PTCH1: variants seen among roughly 807,000 people sequenced by gnomAD.
PTCH1 encodes patched 1.
PTCH1 carries 14 observed loss-of-function variants against 144.6 expected under a neutral mutation model. That is an observed-to-expected ratio of 0.10 (90% CI 0.06 to 0.15). The LOEUF (loss-of-function observed/expected upper bound fraction) is 0.15. Ranked by LOEUF, PTCH1 falls within the 10% of genes least tolerant of loss-of-function variation. The pLI, the probability that PTCH1 is intolerant of heterozygous loss-of-function variation, is 1.00. For missense variants in PTCH1, 1,623 were observed against 1,948.3 expected (o/e 0.83, Z 3.14); for synonymous variants, 833 against 793.6 (o/e 1.05, Z -0.83).
rs775882469 is a variant in PTCH1 at position 95,449,259 on chromosome 9, A to G, written c.3614T>C (p.Val1205Ala). ...GTGGCCGGGCGGCATGGCGAAGCGG[A>G]CCACGCTGGGGGGTGGCTCAGGGGA... is the stretch of plus-strand genomic sequence containing the variant. ...TPSPEPPPSV[V>A]RFAMPPGHTH... Residue 1205 changes from valine (V) to alanine (A), a missense_variant, in exon 22 of 24, where the codon GTC becomes GCC. Around this residue, in one of 7 missense-constraint regions of PTCH1, gnomAD observed 504 missense variants for 679.3 expected, o/e 0.74. Transcript: ENST00000331920. The surrounding 1 kb of genome is among the most constrained non-coding windows in gnomAD (Gnocchi z 5.3). 6.4e-7 allele frequency: 1 copy of G among 1,567,954 alleles called. No individual in the cohort carries two copies. Among genetic ancestry groups the G allele is most frequent in the African/African-American group, 1.3e-5 (1 of 74,178 alleles).
At chr9:95,503,531 TA>T (rs1843297602) in intron 2 of PTCH1, among the ~76,000 whole-genome samples, 3 of 152,196 alleles carry the variant, frequency 2.0e-5, no homozygotes, top group Admixed American at 1.3e-4. Context: ...GCTTCTTCTC[TA>T]GGGGGAGAAT....
At chr9:95,459,481 G>A (rs56027475) in intron 17 of PTCH1, 119 bp downstream of exon 17, 5 of 1,244,656 alleles carry the variant, frequency 4.0e-6, no homozygotes, top group Non-Finnish European at 5.8e-6. Context: ...GAAATAGATT[G>A]TTCTGTTTAC....
At chr9:95,446,763 T>C (rs1837932611) in intron 23 of PTCH1, 148 bp downstream of exon 23, 4 of 1,021,760 alleles carry the variant, frequency 3.9e-6, no homozygotes, top group Non-Finnish European at 5.9e-6. Context: ...ACATCAGCCT[T>C]GCTCTGGGGA....
chr9:95,508,267 C>T lies in PTCH1; in HGVS notation c.95G>A (p.Arg32Lys), dbSNP rs746923835. 2 of 1,578,814 alleles carry T rather than the reference C, an allele frequency of 1.3e-6. No individual in the cohort carries two copies. Among genetic ancestry groups the T allele is most frequent in the Admixed American group, 1.8e-5 (1 of 56,870 alleles). ...GAPGRPAGGG[R>K]RRRTGGLRRA... ...GCGCAGCCCCCCCGTCCGTCTGCGC[C>T]TCCCGCCTCCAGCCGGCCGTCCCGG... The change falls in exon 1 of 24, where the codon AGG (arginine) becomes AAG (lysine). Residue 32 changes from arginine to lysine, a missense_variant. Arg to Lys is a conservative substitution (Grantham distance 26). Around this residue, in one of 7 missense-constraint regions of PTCH1, gnomAD observed 245 missense variants for 240.6 expected, o/e 1.02. Coordinates refer to ENST00000331920, the MANE Select transcript of PTCH1 (RefSeq NM_000264.5).
rs373734237 is a variant in PTCH1, at chr9:95,455,226, C to T, written c.3306+1050G>A. On this transcript the variant is annotated intron_variant, in intron 19 of 23. Transcript: ENST00000331920. ...TCAACAAAGCATTCCTTCCAAAACA[C>T]AAAAGTTTACAATCTCTCAATTGTA... Among the ~76,000 whole-genome samples the T allele has an allele frequency of 4.5e-4, 69 of 152,258 alleles. 1 individual carries two copies. The South Asian group carries it at 0.014, about 31-fold the overall frequency.
intron 2 of PTCH1, among the ~76,000 whole-genome samples, chr9:95,490,937 T>C (rs1842355969): frequency 6.6e-6 from 1 of 152,256 alleles, no homozygotes; most frequent in South Asian, 2.1e-4. Context: ...TACCCTCATC[T>C]GATCATTACA....
intron 2 of PTCH1, chr9:95,503,428 A>G (rs1843291502): frequency 6.6e-6 from 1 of 152,224 alleles, no homozygotes; most frequent in Non-Finnish European, 1.5e-5. Flanking sequence ...TCTCTACACA[A>G]TCACTTCTGC....
In PTCH1 at chr9:95,480,063, C is replaced by T. The variant is rs1588608738; in HGVS notation, c.973G>A (p.Gly325Ser). 11 of 1,614,000 alleles carry T rather than the reference C, an allele frequency of 6.8e-6. No individual in the cohort carries two copies. The highest frequency in any genetic ancestry group is 9.3e-6 in the Non-Finnish European group (11 of 1,180,014). Reference protein sequence around the residue: ...KPLDMALVLNGGCHGLSRKYM... With the variant: ...KPLDMALVLNSGCHGLSRKYM... ...TTTCTGGATAAGCCATGACATCCAC[C>T]ATTCAAAACAAGGGCCATATCAAGA... is the stretch of plus-strand genomic sequence containing the variant. The change falls in exon 7 of 24, where the codon GGT (glycine) becomes AGT (serine). Residue 325 changes from glycine to serine, a missense_variant. This residue lies in a region of PTCH1 where 230 missense variants were observed against 271.0 expected (regional missense o/e 0.85). Coordinates refer to ENST00000331920, the MANE Select transcript of PTCH1 (RefSeq NM_000264.5).
intron 12 of PTCH1, among the ~76,000 whole-genome samples, chr9:95,474,891 TAAC>T (rs1011110177): frequency 1.6e-4 from 25 of 152,148 alleles, no homozygotes; most frequent in African/African-American, 2.4e-5. Flanking sequence ...CCGGGCATCC[TAAC>T]AACAAGTGAA....
chr9:95,446,842 C>T, intron 23 of PTCH1, 69 bp downstream of exon 23: 1 of 1,599,040 alleles, frequency 6.3e-7, no homozygotes, highest in South Asian at 1.1e-5. Flanking sequence ...GCCGAGAACC[C>T]CAGGAGAACC....
At chr9:95,498,159 C>G (rs924820103) in intron 2 of PTCH1, among the ~76,000 whole-genome samples, 1 of 152,194 alleles carries the variant, frequency 6.6e-6, no homozygotes, top group African/African-American at 2.4e-5. Context: ...TAACTGAAAA[C>G]TATCTTGGTT....
rs1201956507 is a variant in PTCH1 at position 95,458,273 on chromosome 9, C to T, written c.2908G>A (p.Glu970Lys). 3 of 1,613,890 alleles carry T rather than the reference C, an allele frequency of 1.9e-6. No individual in the cohort carries two copies. The highest frequency in any genetic ancestry group is 1.7e-6 in the Non-Finnish European group (2 of 1,180,014). The change falls in exon 18 of 24, where the codon GAG (glutamate) becomes AAG (lysine). Residue 970 changes from glutamate (E) to lysine (K), a missense_variant. Coordinates refer to ENST00000331920, the MANE Select transcript of PTCH1 (RefSeq NM_000264.5). This position sits in a 1 kb window ranked among gnomAD's most constrained non-coding sequence, Gnocchi z 4.7. Reference protein sequence around the residue: ...RLRIPAAEPIEYAQFPFYLNG... With the variant: ...RLRIPAAEPIKYAQFPFYLNG... ...AGGTAGAAAGGGAACTGGGCATACTCGATGGGCTCTGCTGCCGGGACTGGA... is the reference window on the plus strand; with the variant it reads ...AGGTAGAAAGGGAACTGGGCATACTTGATGGGCTCTGCTGCCGGGACTGGA...
At position 95,443,010 on chromosome 9, in the gene PTCH1, C is replaced by T. The variant is rs997280612; in HGVS notation, c.*3383G>A. ...TTTGAATTTGGCTTTATTTATGTTC[C>T]CTCATTATTAGGCATCACATAAGGG... On this transcript the variant is annotated 3_prime_UTR_variant, in exon 24 of 24. Coordinates refer to ENST00000331920, the MANE Select transcript of PTCH1 (RefSeq NM_000264.5). The T allele has an allele frequency of 6.6e-6, 1 of 152,132 alleles. No homozygotes were observed. Among genetic ancestry groups the T allele is most frequent in the Non-Finnish European group, 1.5e-5 (1 of 68,034 alleles). 9.4% of individuals were successfully genotyped at this position (152,132 alleles called of 1,614,324 possible).
intron 18 of PTCH1, among the ~76,000 whole-genome samples, chr9:95,456,761 T>TCA (rs3034342): frequency 0.01 from 1,535 of 152,222 alleles, 17 homozygotes; most frequent in East Asian, 0.031. Flanking sequence ...GCTGCGAATT[T>TCA]CACAGTTTAC....
chr9:95,457,393 T>C (rs1427562818), intron 18 of PTCH1, among the ~76,000 whole-genome samples: 1 of 152,202 alleles, frequency 6.6e-6, no homozygotes, highest in East Asian at 1.9e-4. Context: ...AATCTGGCCT[T>C]TGTTTTTATA....
intron 15 of PTCH1, among the ~76,000 whole-genome samples, chr9:95,465,150 C>T (rs561304868): frequency 7.2e-5 from 11 of 152,264 alleles, no homozygotes; most frequent in African/African-American, 2.2e-4. Context: ...AGATGATCTA[C>T]AATGCTCTAT....
chr9:95,477,818 A>G lies in PTCH1; in HGVS notation c.1348-116T>C. On this transcript the variant is annotated intron_variant, in intron 9 of 23. Coordinates refer to ENST00000331920, the MANE Select transcript of PTCH1 (RefSeq NM_000264.5). ...CAAAAGGCAGAACTTATCCAACAAC[A>G]ACAAAACTTTACATCAAGGGCGTCA... 4.7e-6 allele frequency: 7 copies of G among 1,501,510 alleles called. No homozygotes were observed. The South Asian group carries it at 7.3e-5, about 16-fold the overall frequency. The allele number at this position is 1,501,510 out of a possible 1,614,324, so 93.0% of individuals were successfully genotyped here.
At position 95,504,737 on chromosome 9, in the gene PTCH1, G is replaced by A. The variant is rs1843430043; in HGVS notation, c.394+1670C>T. On this transcript the variant is annotated intron_variant, in intron 2 of 23. Transcript: ENST00000331920. The stretch of plus-strand genomic sequence containing the variant: ...CCTAAAATGCCCTCCTTCCCCTACC[G>A]TCTCCAGTTCTCTCCCCCCACCCCC... Among the ~76,000 whole-genome samples, 3 of 151,688 alleles carry A rather than the reference G, an allele frequency of 2.0e-5. No homozygotes were observed. In the South Asian group the frequency reaches 6.2e-4, roughly 32 times the overall value.
In PTCH1 at chr9:95,458,082, G is replaced by A. The variant is rs1256956712; in HGVS notation, c.3099C>T (p.Ser1033=). The change falls in exon 18 of 24, where the codon AGC becomes AGT. Residue 1033 remains serine, a synonymous_variant. Transcript: ENST00000331920. The surrounding 1 kb of genome is among the most constrained non-coding windows in gnomAD (Gnocchi z 4.7). ...GLRHWLLLFI[S]VVLACTFLVC... is the part of the protein sequence containing the mutation. ...CGAGGAATGTGCAGGCCAACACCAC[G>A]CTGATGAACAGCAGCAGCCAGTGGC... 5.0e-6 allele frequency: 8 copies of A among 1,614,082 alleles called. No homozygotes were observed. The highest frequency in any genetic ancestry group is 1.6e-4 in the Middle Eastern group (1 of 6,084).
Sources: gnomAD v4.1 joint callset for allele counts (sites outside exome capture counted in the v4.1 genomes callset) on GRCh38, gnomAD v4.1.1 for gene constraint, gnomAD v4.1.1 regional missense constraint, Gnocchi (gnomAD v3.1) non-coding constraint, MANE v1.5 for transcripts, NCBI Gene and HGNC (gene_info 2026-07-23, HGNC 2026-07-21) for gene names.